The following NCOA1 variants were observed in gnomAD, a reference collection of about 807,000 sequenced individuals.
NCOA1 encodes the protein nuclear receptor coactivator 1.
In NCOA1, 35 loss-of-function variants were observed where a neutral mutation model predicts 150.9. The observed-to-expected ratio is 0.23, with a 90% CI of 0.18 to 0.31. NCOA1 has a LOEUF of 0.31. Among genes scored for constraint, NCOA1 ranks in the 10% least tolerant of loss-of-function variants. The pLI, the probability that NCOA1 is intolerant of heterozygous loss-of-function variation, is 1.00. For synonymous variants in NCOA1, 590 were observed against 630.0 expected, an observed-to-expected ratio of 0.94 and a Z score of 0.95; for missense variants, 1,491 against 1,749.3, an observed-to-expected ratio of 0.85 and a Z score of 2.63.
chr2:24,493,169 C>T (rs1340946701), intron 1 of NCOA1, among the ~76,000 whole-genome samples: 2 of 152,188 alleles, frequency 1.3e-5, no homozygotes, highest in Admixed American at 6.5e-5. Context: ...AACAAATAGG[C>T]ATTCCTTGAA....
chr2:24,537,422 A>ATG (rs752499528), intron 1 of NCOA1, among the ~76,000 whole-genome samples: 17 of 151,802 alleles, frequency 1.1e-4, no homozygotes, highest in East Asian at 9.7e-4. Context: ...TTATATATAT[A>ATG]TGTGTGTGTG....
At chr2:24,609,365 TCTTTG>T (rs1431738474) in intron 3 of NCOA1, among the ~76,000 whole-genome samples, 1 of 152,280 alleles carries the variant, frequency 6.6e-6, no homozygotes, top group Non-Finnish European at 1.5e-5. Context: ...AAAACATTGA[TCTTTG>T]CTTTGTCAGT....
chr2:24,521,078 A>T (rs1356194669), intron 1 of NCOA1, among the ~76,000 whole-genome samples: 3 of 152,022 alleles, frequency 2.0e-5, no homozygotes, highest in African/African-American at 4.8e-5. Context: ...TACCTTGAGT[A>T]TCAAGGAAGT....
At chr2:24,506,605 C>G (rs543285906) in intron 1 of NCOA1, among the ~76,000 whole-genome samples, 4 of 152,082 alleles carry the variant, frequency 2.6e-5, no homozygotes, top group Non-Finnish European at 5.9e-5. Flanking sequence ...ACTTAGACAT[C>G]TTTAGTGGTT....
intron 1 of NCOA1, among the ~76,000 whole-genome samples, chr2:24,532,284 C>T: frequency 6.6e-6 from 1 of 152,090 alleles, no homozygotes; most frequent in East Asian, 1.9e-4. Flanking sequence ...ATATCCTTTG[C>T]CCATTTTTTG....
chr2:24,562,311 AAAGGAGCATTTTG>A (rs1348801083), intron 1 of NCOA1, among the ~76,000 whole-genome samples: 3 of 152,256 alleles, frequency 2.0e-5, no homozygotes, highest in Admixed American at 6.5e-5. Flanking sequence ...ACATGAGCTC[AAAGGAGCATTTTG>A]AATTTCAGAT....
rs534331558 is a variant in NCOA1, at chr2:24,542,434, G to C, written c.-395-21861G>C. Among the ~76,000 whole-genome samples the C allele has an allele frequency of 2.8e-4, 42 of 152,256 alleles. 1 individual carries two copies. Among genetic ancestry groups the C allele is most frequent in the African/African-American group, 9.6e-4 (40 of 41,570 alleles). The stretch of plus-strand genomic sequence containing the variant: ...CTGGATCAGAGAATTTAAGATCTTT[G>C]AATTAATAGACTATACGATTCTAGT... On this transcript the variant is annotated intron_variant, in intron 1 of 22. Transcript: ENST00000348332.
chr2:24,731,732 A>G (rs1663027161), intron 17 of NCOA1, among the ~76,000 whole-genome samples: 1 of 152,256 alleles, frequency 6.6e-6, no homozygotes, highest in Non-Finnish European at 1.5e-5. Flanking sequence ...AAGATAAACT[A>G]CTTCTTGTAG....
chr2:24,602,346 G>A (rs187465397), intron 3 of NCOA1, among the ~76,000 whole-genome samples: 16 of 151,956 alleles, frequency 1.1e-4, no homozygotes, highest in African/African-American at 3.9e-4. Flanking sequence ...GACTACAGGG[G>A]TGCACCACCA....
At chr2:24,746,669 C>CTT (rs761467051) in intron 19 of NCOA1, among the ~76,000 whole-genome samples, 1 of 152,196 alleles carries the variant, frequency 6.6e-6, no homozygotes, top group Non-Finnish European at 1.5e-5. Context: ...GACCAGAACT[C>CTT]TAAGTATTCC....
At chr2:24,586,226 A>G (rs1667400596) in intron 3 of NCOA1, among the ~76,000 whole-genome samples, 2 of 141,832 alleles carry the variant, frequency 1.4e-5, no homozygotes, top group Non-Finnish European at 3.0e-5. Flanking sequence ...CAAAGAGCCG[A>G]TATCGTGCCA....
chr2:24,633,081 T>C (rs1344585794), intron 3 of NCOA1, among the ~76,000 whole-genome samples: 2 of 152,090 alleles, frequency 1.3e-5, no homozygotes, highest in Non-Finnish European at 2.9e-5. Flanking sequence ...TGTATATGTA[T>C]GCATGTACAT....
chr2:24,598,094 C>A (rs1667956447), intron 3 of NCOA1, among the ~76,000 whole-genome samples: 1 of 152,150 alleles, frequency 6.6e-6, no homozygotes, highest in Non-Finnish European at 1.5e-5. Flanking sequence ...CATGTCCCTA[C>A]AAAGGACATG....
At chr2:24,554,703 T>G (rs987197747) in intron 1 of NCOA1, 1 of 152,036 alleles carries the variant, frequency 6.6e-6, no homozygotes, top group Non-Finnish European at 1.5e-5. Context: ...ATGGCCAACA[T>G]AGCCAGCAAC....
intron 3 of NCOA1, among the ~76,000 whole-genome samples, chr2:24,595,237 T>C (rs1667839787): frequency 6.6e-6 from 1 of 152,100 alleles, no homozygotes; most frequent in Non-Finnish European, 1.5e-5. Flanking sequence ...ACTTGTTTTT[T>C]AAAAATCAAA....
rs553714406 is a variant in NCOA1, at chr2:24,707,419, T to A, written c.1949T>A (p.Ile650Lys). 2.5e-6 allele frequency: 4 copies of A among 1,614,112 alleles called. No individual in the cohort carries two copies. The highest frequency in any genetic ancestry group is 8.5e-7 in the Non-Finnish European group (1 of 1,180,054). Residue 650 changes from isoleucine to lysine, a missense_variant, in exon 13 of 23, where the codon ATA becomes AAA. This residue lies in a region of NCOA1 where 703 missense variants were observed against 717.7 expected (regional missense o/e 0.98). Transcript: ENST00000348332. ...TAEQQLRHAD[I>K]DTSCKDVLSC... ...GAACAGCAGTTACGGCATGCTGATA[T>A]AGACACAAGCTGCAAAGATGTCCTG... is the stretch of plus-strand genomic sequence containing the variant.
At chr2:24,682,866 ATC>A in intron 7 of NCOA1, 83 bp from the exon 8 acceptor site, 1 of 1,201,384 alleles carries the variant, frequency 8.3e-7, no homozygotes, top group South Asian at 1.5e-5. Context: ...TATATTTCTG[ATC>A]TCTTTTTTAA....
intron 14 of NCOA1, among the ~76,000 whole-genome samples, chr2:24,723,140 G>GT (rs958274443): frequency 3.3e-5 from 5 of 151,856 alleles, no homozygotes; most frequent in Admixed American, 2.6e-4. Flanking sequence ...TGGCAGTATC[G>GT]TTTTTTCTGT....
At chr2:24,606,205 A>G (rs890551997) in intron 3 of NCOA1, among the ~76,000 whole-genome samples, 2 of 151,724 alleles carry the variant, frequency 1.3e-5, no homozygotes, top group Non-Finnish European at 2.9e-5. Context: ...TTATACCTTC[A>G]TAATTTTTAT....
Sources: gnomAD v4.1 joint callset for allele counts (sites outside exome capture counted in the v4.1 genomes callset) on GRCh38, gnomAD v4.1.1 for gene constraint, gnomAD v4.1.1 regional missense constraint, MANE v1.5 for transcripts, NCBI Gene and HGNC (gene_info 2026-07-23, HGNC 2026-07-21) for gene names.